UBLCP1: variants seen among roughly 807,000 people sequenced by gnomAD.
UBLCP1 encodes the protein ubiquitin-like domain-containing CTD phosphatase 1.
Under a neutral mutation model 42.4 loss-of-function variants are expected in UBLCP1, and 28 were observed. That is an observed-to-expected ratio of 0.66 (90% CI 0.49 to 0.90). The LOEUF (loss-of-function observed/expected upper bound fraction) is 0.90. Among genes scored for constraint, UBLCP1 ranks in the 40% least tolerant of loss-of-function variants. UBLCP1 has a pLI of 0.00. For synonymous variants in UBLCP1, 122 were observed against 120.8 expected, an observed-to-expected ratio of 1.01 and a Z score of -0.07; for missense variants, 279 against 374.5, an observed-to-expected ratio of 0.75 and a Z score of 2.10.
intron 9 of UBLCP1, among the ~76,000 whole-genome samples, chr5:159,279,699 G>A (rs1753583916): frequency 6.6e-6 from 1 of 152,188 alleles, no homozygotes; most frequent in Non-Finnish European, 1.5e-5. Context: ...AAGTGGTTAT[G>A]TTGTCCTTAA....
chr5:159,267,117 G>A (rs1030252664), intron 1 of UBLCP1, among the ~76,000 whole-genome samples: 2 of 152,168 alleles, frequency 1.3e-5, no homozygotes. Context: ...CTTGTACTGT[G>A]TGCCTGGAAA....
At chr5:159,277,536 A>G (rs1469028925) in intron 8 of UBLCP1, among the ~76,000 whole-genome samples, 1 of 152,244 alleles carries the variant, frequency 6.6e-6, no homozygotes, top group Non-Finnish European at 1.5e-5. Context: ...ATGAAAAGTC[A>G]TCTTTCACCT....
intron 6 of UBLCP1, among the ~76,000 whole-genome samples, chr5:159,273,138 G>T (rs533766061): frequency 6.6e-6 from 1 of 152,286 alleles, no homozygotes; most frequent in Non-Finnish European, 1.5e-5. Context: ...AGTTCCATGT[G>T]AGTTCACAGC....
chr5:159,278,456 G>A, intron 9 of UBLCP1, 102 bp downstream of exon 9: 1 of 814,676 alleles, frequency 1.2e-6, no homozygotes, highest in Non-Finnish European at 2.1e-6. Flanking sequence ...TGGAAGTACT[G>A]TATTCTTATG....
chr5:159,281,838 G>C (rs1470989437), intron 9 of UBLCP1, among the ~76,000 whole-genome samples: 28 of 148,364 alleles, frequency 1.9e-4, no homozygotes, highest in Non-Finnish European at 2.4e-4. Context: ...AGTGTTAACT[G>C]TGTAAAATTA....
chr5:159,275,389 T>C (rs1164542620), intron 8 of UBLCP1, 143 bp downstream of exon 8: 1 of 551,736 alleles, frequency 1.8e-6, no homozygotes, highest in Non-Finnish European at 3.0e-6. Context: ...GGAAAATGTA[T>C]TTAAGGTTAA....
intron 3 of UBLCP1, 61 bp from the exon 4 acceptor site, chr5:159,270,299 A>G: frequency 1.6e-6 from 2 of 1,290,288 alleles, no homozygotes; most frequent in Non-Finnish European, 1.1e-6. Context: ...TTTTTATGCT[A>G]TGCATGTATT....
At chr5:159,263,511 G>A (rs977294576) in intron 1 of UBLCP1, among the ~76,000 whole-genome samples, 151 bp downstream of exon 1, 6 of 152,318 alleles carry the variant, frequency 3.9e-5, no homozygotes, top group African/African-American at 1.2e-4. Context: ...CCCTAGCCCC[G>A]GCCCGCTTAG....
Position 159,269,079 on chromosome 5 carries a change from T to C in UBLCP1, c.154+10T>C. On this transcript the variant is annotated intron_variant, in intron 2 of 10. Transcript: ENST00000296786. The stretch of plus-strand genomic sequence containing the variant: ...GGACTCAAAGTTAAAGGTAATTCTC[T>C]CCCCTCTTCAGATTTTTTGCATTGA... 6.6e-7 allele frequency: 1 copy of C among 1,517,638 alleles called. No individual in the cohort carries two copies. 94.0% of individuals were successfully genotyped at this position (1,517,638 alleles called of 1,614,324 possible). A position where few individuals can be genotyped will look rare whatever the true frequency, so the allele number is the denominator to read the frequency against.
At chr5:159,278,635 C>T (rs555856842) in intron 9 of UBLCP1, among the ~76,000 whole-genome samples, 37 of 151,978 alleles carry the variant, frequency 2.4e-4, no homozygotes, top group Non-Finnish European at 3.2e-4. Flanking sequence ...TGTGGTGGTG[C>T]GATCTCGGCT....
chr5:159,285,233 CACACACACACAAA>C lies in UBLCP1; in HGVS notation c.*303_*315del, dbSNP rs1458294888. On this transcript the variant is annotated 3_prime_UTR_variant, in exon 11 of 11. Transcript: ENST00000296786. ...ACACACACACACACACACACACACA[CACACACACACAAA>C]GTGGAGAAAAATGTATACTCAACAA... The C allele has an allele frequency of 1.5e-4, 36 of 239,082 alleles. 1 individual carries two copies. The highest frequency in any genetic ancestry group is 4.8e-4 in the African/African-American group (18 of 37,330). The allele number at this position is 239,082 out of a possible 1,614,324, so 14.8% of individuals were successfully genotyped here.
chr5:159,280,224 A>G (rs1001516868), intron 9 of UBLCP1, among the ~76,000 whole-genome samples: 2 of 152,194 alleles, frequency 1.3e-5, no homozygotes, highest in African/African-American at 4.8e-5. Context: ...TCTACCCAAG[A>G]TAACACTTCA....
intron 9 of UBLCP1, among the ~76,000 whole-genome samples, chr5:159,282,350 C>T (rs954046699): frequency 6.6e-6 from 1 of 151,832 alleles, no homozygotes; most frequent in Non-Finnish European, 1.5e-5. Flanking sequence ...AATTTTATTC[C>T]ACTAAAATTA....
At chr5:159,276,824 A>C (rs1397470302) in intron 8 of UBLCP1, among the ~76,000 whole-genome samples, 1 of 152,234 alleles carries the variant, frequency 6.6e-6, no homozygotes, top group East Asian at 1.9e-4. Context: ...GCTCTTGTTT[A>C]TAAAAATGCC....
intron 9 of UBLCP1, among the ~76,000 whole-genome samples, chr5:159,279,829 T>G (rs762714767): frequency 7.2e-5 from 11 of 152,218 alleles, no homozygotes; most frequent in Non-Finnish European, 1.6e-4. Flanking sequence ...ACCTAATTGT[T>G]TGTGAAACGA....
intron 9 of UBLCP1, among the ~76,000 whole-genome samples, 183 bp from the exon 10 acceptor site, chr5:159,283,026 TAGA>T (rs1192685521): frequency 7.9e-5 from 12 of 152,144 alleles, no homozygotes; most frequent in Admixed American, 3.3e-4. Context: ...GTAAAATAGG[TAGA>T]AGAGTTTGTA....
At chr5:159,275,654 C>T (rs1423879781) in intron 8 of UBLCP1, among the ~76,000 whole-genome samples, 3 of 151,966 alleles carry the variant, frequency 2.0e-5, no homozygotes, top group Non-Finnish European at 4.4e-5. Flanking sequence ...CCTCGTGATC[C>T]GCCTGCCTCG....
rs1448103520 is a variant in UBLCP1 at position 159,279,809 on chromosome 5, G to T, written c.801+1455G>T. Among the ~76,000 whole-genome samples the T allele has an allele frequency of 2.0e-5, 3 of 152,132 alleles. No individual in the cohort carries two copies. In the East Asian group the frequency reaches 5.8e-4, roughly 29 times the overall value. On this transcript the variant is annotated intron_variant, in intron 9 of 10. Transcript: ENST00000296786. ...TTCTTGAGTCTTGAGAAGAAATGTGGTTGATGTAAACCTAATTGTTTGTGA... is the reference window on the plus strand; with the variant it reads ...TTCTTGAGTCTTGAGAAGAAATGTGTTTGATGTAAACCTAATTGTTTGTGA...
intron 5 of UBLCP1, 145 bp from the exon 6 acceptor site, chr5:159,271,878 T>G (rs922558749): frequency 3.9e-6 from 2 of 514,124 alleles, no homozygotes; most frequent in Admixed American, 3.3e-5. Context: ...CATCTTTTTG[T>G]CAGCCAACGT....
Sources: allele counts gnomAD v4.1 joint callset (sites outside exome capture counted in the v4.1 genomes callset), GRCh38; gene constraint gnomAD v4.1.1; transcripts MANE v1.5; gene names NCBI Gene and HGNC (gene_info 2026-07-23, HGNC 2026-07-21).